The following RORA variants were observed in gnomAD, a reference collection of about 807,000 sequenced individuals.
RORA encodes the protein nuclear receptor ROR-alpha.
A neutral mutation model predicts 69.5 loss-of-function variants in RORA; 7 were observed. The observed-to-expected ratio is 0.10, with a 90% CI of 0.06 to 0.19. The LOEUF is 0.19. Among genes scored for constraint, RORA ranks in the 10% least tolerant of loss-of-function variants. The probability of loss-of-function intolerance (pLI) is 1.00; values close to 1 mark genes in which losing one functional copy is unlikely to be tolerated. For missense variants in RORA, 457 were observed against 663.0 expected (o/e 0.69, Z 3.41); for synonymous variants, 261 against 240.8 (o/e 1.08, Z -0.78).
rs73434253 is a variant in RORA at position 60,984,403 on chromosome 15, C to G, written c.166+244650G>C. ...TTAATTGCTTTTACCAATAATGCTA[C>G]TAATTATTTTAATTATTTAATATTA... On this transcript the variant is annotated intron_variant, in intron 1 of 10. Transcript: ENST00000335670. Among the ~76,000 whole-genome samples, 829 of 151,084 alleles carry G rather than the reference C, an allele frequency of 5.5e-3. 2 individuals are homozygous for G. The highest frequency in any genetic ancestry group is 0.019 in the African/African-American group (780 of 41,308).
intron 1 of RORA, among the ~76,000 whole-genome samples, chr15:60,780,087 A>G (rs2140337661): frequency 6.6e-6 from 1 of 152,208 alleles, no homozygotes; most frequent in Non-Finnish European, 1.5e-5. Context: ...GGTGGGGAGG[A>G]GGAGTTTTAG....
chr15:60,668,070 G>A (rs1186543587), intron 2 of RORA, among the ~76,000 whole-genome samples: 1 of 152,096 alleles, frequency 6.6e-6, no homozygotes, highest in Non-Finnish European at 1.5e-5. Flanking sequence ...ATAGAGTCAG[G>A]GGCAGAGTTT....
intron 1 of RORA, among the ~76,000 whole-genome samples, chr15:60,840,633 C>G (rs991732019): frequency 1.5e-4 from 23 of 152,358 alleles, no homozygotes; most frequent in Admixed American, 3.9e-4. Context: ...GAGAGGGACA[C>G]TGCATGTGTC....
At chr15:60,851,789 T>C (rs982570031) in intron 1 of RORA, among the ~76,000 whole-genome samples, 9 of 151,476 alleles carry the variant, frequency 5.9e-5, no homozygotes, top group South Asian at 2.1e-4. Flanking sequence ...TTTTTTTTTT[T>C]CCCCACAATA....
At chr15:61,033,755 T>C (rs559961207) in intron 1 of RORA, among the ~76,000 whole-genome samples, 1 of 152,242 alleles carries the variant, frequency 6.6e-6, no homozygotes, top group African/African-American at 2.4e-5. Flanking sequence ...AGATTTAGTA[T>C]GAAAACAGGG....
chr15:60,524,416 C>T (rs2066278544), intron 3 of RORA, among the ~76,000 whole-genome samples: 1 of 152,196 alleles, frequency 6.6e-6, no homozygotes, highest in Non-Finnish European at 1.5e-5. Flanking sequence ...CAGCTCTTCT[C>T]AAAGTCATAG....
chr15:61,142,773 C>A (rs2079312141), intron 1 of RORA, among the ~76,000 whole-genome samples: 1 of 152,050 alleles, frequency 6.6e-6, no homozygotes, highest in South Asian at 2.1e-4. Context: ...ATCATCTTCA[C>A]GGGTGCTAAA....
intron 1 of RORA, among the ~76,000 whole-genome samples, chr15:61,208,408 G>A (rs2140934347): frequency 6.6e-6 from 1 of 152,316 alleles, no homozygotes. Context: ...GGCTAGGAAG[G>A]AGGAGTAACA....
chr15:60,651,440 A>C lies in RORA; in HGVS notation c.196+27217T>G, dbSNP rs141354633. Among the ~76,000 whole-genome samples, 1,035 of 152,284 alleles carry C rather than the reference A, an allele frequency of 6.8e-3. 17 individuals carry two copies. Among genetic ancestry groups the C allele is most frequent in the African/African-American group, 0.024 (991 of 41,546 alleles). On this transcript the variant is annotated intron_variant, in intron 2 of 10. Transcript: ENST00000335670. ...GCTGCATACATACTTAGCTATGTCA[A>C]TATCCACTTGGCATACTCTGGAGCT...
At chr15:60,800,164 T>C (rs914305238) in intron 1 of RORA, among the ~76,000 whole-genome samples, 1 of 152,246 alleles carries the variant, frequency 6.6e-6, no homozygotes, top group African/African-American at 2.4e-5. Context: ...TCAGGGCTTT[T>C]TTTTTCCTTC....
At chr15:60,813,428 C>G (rs1306456016) in intron 1 of RORA, among the ~76,000 whole-genome samples, 1 of 151,446 alleles carries the variant, frequency 6.6e-6, no homozygotes, top group Non-Finnish European at 1.5e-5. Flanking sequence ...GTGGCAAAGT[C>G]TTGAAATCTG....
At chr15:61,220,806 G>C (rs1223693969) in intron 1 of RORA, among the ~76,000 whole-genome samples, 1 of 152,138 alleles carries the variant, frequency 6.6e-6, no homozygotes, top group Non-Finnish European at 1.5e-5. Flanking sequence ...CATTGCCCTT[G>C]TTAAAGATAA....
At chr15:60,624,018 G>A (rs1263461052) in intron 2 of RORA, among the ~76,000 whole-genome samples, 3 of 151,416 alleles carry the variant, frequency 2.0e-5, no homozygotes, top group African/African-American at 7.3e-5. Context: ...CATGGAGCAG[G>A]TGGAGAGTAG....
In RORA at chr15:60,542,258, C is replaced by T. The variant is rs531812960; in HGVS notation, c.197-10407G>A. ...GCACAGCTTACTGTCAAAGCCAGAG[C>T]TCAGAATAGCAGGTCCTTTTTAATG... On this transcript the variant is annotated intron_variant, in intron 2 of 10. Transcript: ENST00000335670. 7.2e-5 allele frequency among the ~76,000 whole-genome samples: 11 copies of T among 152,258 alleles called. No homozygotes were observed. The East Asian group carries it at 2.1e-3, about 29-fold the overall frequency.
In RORA at chr15:61,122,023, A is replaced by T. The variant is rs181789226; in HGVS notation, c.166+107030T>A. 2.5e-3 allele frequency among the ~76,000 whole-genome samples: 386 copies of T among 152,298 alleles called. 2 individuals carry two copies. The highest frequency in any genetic ancestry group is 3.6e-3 in the Non-Finnish European group (242 of 68,026). The stretch of plus-strand genomic sequence containing the variant: ...GGATAAAGGCTAATACTGCTTAGAA[A>T]CACCAGGGAAATAAGAACTGTATGT... On this transcript the variant is annotated intron_variant, in intron 1 of 10. Coordinates refer to ENST00000335670, the MANE Select transcript of RORA (RefSeq NM_134261.3).
chr15:60,550,314 A>G (rs1469167893), intron 2 of RORA, among the ~76,000 whole-genome samples: 2 of 152,012 alleles, frequency 1.3e-5, no homozygotes, highest in Non-Finnish European at 1.5e-5. Context: ...AAACAAACAA[A>G]AAACCAAGAG....
At chr15:60,544,004 T>C (rs2066989693) in intron 2 of RORA, among the ~76,000 whole-genome samples, 3 of 152,104 alleles carry the variant, frequency 2.0e-5, no homozygotes, top group Middle Eastern at 3.4e-3. Context: ...AGGTGGTAAG[T>C]GGAGGAAGTG....
At chr15:60,968,425 G>A (rs935277913) in intron 1 of RORA, among the ~76,000 whole-genome samples, 1 of 152,178 alleles carries the variant, frequency 6.6e-6, no homozygotes, top group Non-Finnish European at 1.5e-5. Flanking sequence ...TTTCTAACAA[G>A]GTTCCTGCTG....
intron 1 of RORA, among the ~76,000 whole-genome samples, chr15:60,761,948 TCTAGTCCTTGG>T (rs1246042618): frequency 1.3e-5 from 2 of 151,164 alleles, no homozygotes. Flanking sequence ...AAAAAAAAAG[TCTAGTCCTTGG>T]AAATCAAGTT....
Sources: allele counts gnomAD v4.1 joint callset (sites outside exome capture counted in the v4.1 genomes callset), GRCh38; gene constraint gnomAD v4.1.1; transcripts MANE v1.5; gene names NCBI Gene and HGNC (gene_info 2026-07-23, HGNC 2026-07-21).